Variants in CNIH3 observed in about 807,000 individuals in gnomAD.
The protein encoded by CNIH3 is protein cornichon homolog 3.
CNIH3 carries 14 observed loss-of-function variants against 24.1 expected under a neutral mutation model. The ratio of observed to expected loss-of-function variants is 0.58; its 90% confidence interval spans 0.38 to 0.91. CNIH3 has a LOEUF of 0.91. Among genes scored for constraint, CNIH3 ranks in the 40% least tolerant of loss-of-function variants. CNIH3 has a pLI of 0.00. For synonymous variants in CNIH3, 68 were observed against 73.8 expected (o/e 0.92, Z 0.40); for missense variants, 178 against 196.8 (o/e 0.90, Z 0.57).
At chr1:224,646,235 G>T (rs1001651997) in intron 1 of CNIH3, among the ~76,000 whole-genome samples, 5 of 152,162 alleles carry the variant, frequency 3.3e-5, no homozygotes, top group Non-Finnish European at 5.9e-5. Context: ...CATTTTGACA[G>T]ATGAAGAGAA....
upstream of CNIH3, chr1:224,615,535 A>G (rs1048856160): frequency 6.6e-6 from 1 of 151,854 alleles, no homozygotes; most frequent in African/African-American, 2.4e-5. Flanking sequence ...GCTTGACTCT[A>G]CTCTTATTTA....
At chr1:224,442,877 G>A (rs1674981185) in intron 1 of CNIH3, among the ~76,000 whole-genome samples, 1 of 152,166 alleles carries the variant, frequency 6.6e-6, no homozygotes, top group African/African-American at 2.4e-5. Flanking sequence ...GAAAAATGGA[G>A]CAAGTCCTAT....
intron 1 of CNIH3, among the ~76,000 whole-genome samples, chr1:224,650,188 C>T (rs1684798564): frequency 6.6e-6 from 1 of 152,110 alleles, no homozygotes; most frequent in Non-Finnish European, 1.5e-5. Flanking sequence ...GCTTTTGAGG[C>T]TGGGGAGCAT....
At chr1:224,625,591 G>A (rs988486070) in intron 1 of CNIH3, among the ~76,000 whole-genome samples, 8 of 152,196 alleles carry the variant, frequency 5.3e-5, no homozygotes, top group African/African-American at 1.4e-4. Flanking sequence ...CTCTGCTGAA[G>A]GCCCATGGAA....
At position 224,500,944 on chromosome 1, in the gene CNIH3, C is replaced by T. The variant is rs572494243; in HGVS notation, n.204-14797C>T. On this transcript the variant is annotated intron_variant and non_coding_transcript_variant, in intron 1 of 5. Coordinates refer to the CNIH3 transcript ENST00000471578. Reference sequence around the variant, plus strand: ...AGCCGGCATCTGTGCATTCCACACACCCTGCACCATCACATCTCCATGCCT... The same window carrying T: ...AGCCGGCATCTGTGCATTCCACACATCCTGCACCATCACATCTCCATGCCT... 3.9e-5 allele frequency among the ~76,000 whole-genome samples: 6 copies of T among 152,310 alleles called. No homozygotes were observed. In the East Asian group the frequency reaches 9.7e-4, roughly 25 times the overall value.
chr1:224,465,927 CT>C (rs1178729126), intron 1 of CNIH3, among the ~76,000 whole-genome samples: 1 of 152,184 alleles, frequency 6.6e-6, no homozygotes, highest in East Asian at 1.9e-4. Context: ...ACTCGGGAGG[CT>C]GAGGCAGGAG....
intron 1 of CNIH3, among the ~76,000 whole-genome samples, chr1:224,505,223 C>CG (rs1447014810): frequency 6.6e-6 from 1 of 151,370 alleles, no homozygotes; most frequent in South Asian, 2.1e-4. Context: ...TGTTTGAGCC[C>CG]GGGAAGTCAA....
chr1:224,445,101 T>G (rs1276522097), intron 1 of CNIH3, among the ~76,000 whole-genome samples: 2 of 152,170 alleles, frequency 1.3e-5, no homozygotes, highest in Non-Finnish European at 2.9e-5. Flanking sequence ...CCCAGTAGTA[T>G]CTTATTGTAG....
In CNIH3 at chr1:224,714,516, G is replaced by T. The variant is rs535293320; in HGVS notation, c.199-15946G>T. Among the ~76,000 whole-genome samples the T allele has an allele frequency of 9.8e-5, 15 of 152,324 alleles. No homozygotes were observed. The East Asian group carries it at 2.7e-3, about 27-fold the overall frequency. Reference sequence around the variant, plus strand: ...CGCTTGTCATGGAGTGTCAGGAGCAGCTTCCTTTACACTTCCCAGTGTGTA... The same window carrying T: ...CGCTTGTCATGGAGTGTCAGGAGCATCTTCCTTTACACTTCCCAGTGTGTA... On this transcript the variant is annotated intron_variant, in intron 3 of 5. Transcript: ENST00000272133.
At chr1:224,654,563 T>C (rs904480742) in intron 1 of CNIH3, among the ~76,000 whole-genome samples, 3 of 152,258 alleles carry the variant, frequency 2.0e-5, no homozygotes, top group African/African-American at 4.8e-5. Context: ...TTTTAGCCAC[T>C]GTTGATGCCT....
At chr1:224,463,260 A>G (rs899038347) in intron 1 of CNIH3, among the ~76,000 whole-genome samples, 5 of 152,072 alleles carry the variant, frequency 3.3e-5, no homozygotes, top group Admixed American at 6.5e-5. Context: ...TCCATTCCCA[A>G]TGATGTGTGA....
At chr1:224,591,838 A>C (rs144085964), downstream of CNIH3, among the ~76,000 whole-genome samples, 280 of 152,242 alleles carry the variant, frequency 1.8e-3, 1 homozygote, top group African/African-American at 6.4e-3. Flanking sequence ...TCTGTCTATC[A>C]TTTTCTCATT....
intron 3 of CNIH3, among the ~76,000 whole-genome samples, chr1:224,599,438 G>C (rs1682118042): frequency 6.6e-6 from 1 of 152,006 alleles, no homozygotes; most frequent in Admixed American, 6.6e-5. Context: ...AACAGCTTTT[G>C]GCAAAGTTGA....
chr1:224,736,746 G>A (rs538100497), intron 5 of CNIH3, among the ~76,000 whole-genome samples: 1 of 152,316 alleles, frequency 6.6e-6, no homozygotes, highest in Non-Finnish European at 1.5e-5. Flanking sequence ...GAAGCCTCCG[G>A]AGATTTCTAC....
chr1:224,475,255 C>T (rs566591561), intron 1 of CNIH3, among the ~76,000 whole-genome samples: 1 of 150,290 alleles, frequency 6.7e-6, no homozygotes, highest in South Asian at 2.1e-4. Flanking sequence ...ACTCGGGAGG[C>T]TGAGGCAGGA....
intron 5 of CNIH3, among the ~76,000 whole-genome samples, chr1:224,737,585 C>T (rs747829756): frequency 6.6e-6 from 1 of 151,876 alleles, no homozygotes; most frequent in Non-Finnish European, 1.5e-5. Flanking sequence ...CGCAGGCCAC[C>T]GTGGGAGGGA....
chr1:224,688,037 G>GT (rs765698985), intron 3 of CNIH3, among the ~76,000 whole-genome samples: 18 of 152,180 alleles, frequency 1.2e-4, no homozygotes, highest in East Asian at 1.9e-4. Flanking sequence ...GAAACTTGAG[G>GT]TTTTTTAATG....
chr1:224,538,644 C>T (rs1181426808), downstream of CNIH3, among the ~76,000 whole-genome samples: 3 of 149,676 alleles, frequency 2.0e-5, no homozygotes, highest in African/African-American at 7.6e-5. Context: ...CCTCCTCCTC[C>T]TTCTCTCTCT....
chr1:224,606,450 C>G (rs1682425978), intron 3 of CNIH3, among the ~76,000 whole-genome samples: 1 of 152,100 alleles, frequency 6.6e-6, no homozygotes, highest in Non-Finnish European at 1.5e-5. Context: ...TCGAACTCCT[C>G]TCCAACCATA....
Sources: gnomAD v4.1 joint callset for allele counts (sites outside exome capture counted in the v4.1 genomes callset) on GRCh38, gnomAD v4.1.1 for gene constraint, MANE v1.5 for transcripts, NCBI Gene and HGNC (gene_info 2026-07-23, HGNC 2026-07-21) for gene names.